Variants in MED13L observed in about 807,000 individuals in gnomAD.
MED13L encodes mediator complex subunit 13L.
In MED13L, 7 loss-of-function variants were observed where a neutral mutation model predicts 220.9. The ratio of observed to expected loss-of-function variants is 0.03; its 90% confidence interval spans 0.02 to 0.06. The LOEUF (loss-of-function observed/expected upper bound fraction) is 0.06, where lower values mean the gene tolerates loss of function less well. MED13L is among the 10% of genes least tolerant of loss of function. The probability of loss-of-function intolerance (pLI) is 1.00; values close to 1 mark genes in which losing one functional copy is unlikely to be tolerated. For missense variants in MED13L, 1,965 were observed against 2,760.5 expected (o/e 0.71, Z 6.46); for synonymous variants, 1,011 against 1,015.2 (o/e 1.00, Z 0.08).
intron 2 of MED13L, among the ~76,000 whole-genome samples, chr12:116,148,051 C>CAAAAAAAAAAAAAAAAA (rs10678970): frequency 3.3e-4 from 6 of 18,140 alleles, no homozygotes; most frequent in African/African-American, 4.7e-4. Context: ...GACCCCATCT[C>CAAAAAAAAAAAAAAAAA]AAAAAAAAAA....
At chr12:116,058,708 C>G (rs1357697826) in intron 4 of MED13L, among the ~76,000 whole-genome samples, 1 of 152,108 alleles carries the variant, frequency 6.6e-6, no homozygotes. Context: ...ATGGGGAAAG[C>G]TGAATTAAAA....
chr12:116,141,751 T>A (rs930759520), intron 2 of MED13L, among the ~76,000 whole-genome samples: 2 of 152,122 alleles, frequency 1.3e-5, no homozygotes, highest in Non-Finnish European at 2.9e-5. Flanking sequence ...CCCAACCCAG[T>A]GTCTTCTCCA....
At chr12:116,010,059 G>A (rs937184173) in intron 9 of MED13L, among the ~76,000 whole-genome samples, 3 of 152,192 alleles carry the variant, frequency 2.0e-5, no homozygotes, top group African/African-American at 7.2e-5. Flanking sequence ...GCCCTAGTGA[G>A]CAGTAAAACG....
intron 4 of MED13L, among the ~76,000 whole-genome samples, chr12:116,024,587 C>T (rs1880255954): frequency 6.6e-6 from 1 of 152,090 alleles, no homozygotes; most frequent in African/African-American, 2.4e-5. Context: ...TACCCTTTCA[C>T]TCTGTTGGTC....
At chr12:116,004,658 T>A (rs1450017314) in intron 13 of MED13L, among the ~76,000 whole-genome samples, 2 of 151,842 alleles carry the variant, frequency 1.3e-5, no homozygotes, top group Non-Finnish European at 2.9e-5. Context: ...GTTTTTGTTG[T>A]TTAATCAAGG....
At chr12:116,010,777 C>T (rs1879342803) in intron 9 of MED13L, among the ~76,000 whole-genome samples, 1 of 152,098 alleles carries the variant, frequency 6.6e-6, no homozygotes, top group Admixed American at 6.5e-5. Context: ...TGACAGATTA[C>T]ATCTAACAAG....
At chr12:116,247,823 C>T (rs1172324017) in intron 1 of MED13L, among the ~76,000 whole-genome samples, 1 of 152,072 alleles carries the variant, frequency 6.6e-6, no homozygotes, top group Admixed American at 6.6e-5. Context: ...TGGTTTATAG[C>T]GTAAGTATAA....
intron 4 of MED13L, among the ~76,000 whole-genome samples, chr12:116,095,053 T>C (rs931355292): frequency 7.9e-5 from 12 of 152,034 alleles, no homozygotes; most frequent in African/African-American, 2.2e-4. Context: ...TCCCAGCTAC[T>C]TGGGAGGCTG....
chr12:116,025,174 G>A (rs543916038), intron 4 of MED13L, among the ~76,000 whole-genome samples: 1 of 152,250 alleles, frequency 6.6e-6, no homozygotes, highest in Non-Finnish European at 1.5e-5. Flanking sequence ...CAAAATCGCA[G>A]TAAGATATCC....
intron 27 of MED13L, among the ~76,000 whole-genome samples, chr12:115,969,591 T>G (rs1395190006): frequency 6.6e-6 from 1 of 152,100 alleles, no homozygotes; most frequent in Non-Finnish European, 1.5e-5. Context: ...TTTTTTTTTT[T>G]TGAGATGGAG....
intron 1 of MED13L, 46 bp downstream of exon 1, chr12:116,277,014 C>A (rs1237234916): frequency 2.3e-5 from 32 of 1,395,644 alleles, no homozygotes; most frequent in Non-Finnish European, 2.9e-5. Context: ...TCGGGGACCC[C>A]CCCCCTTCCC....
chr12:115,996,740 G>T, intron 15 of MED13L, 59 bp from the exon 16 acceptor site: 1 of 1,425,502 alleles, frequency 7.0e-7, no homozygotes, highest in Non-Finnish European at 9.9e-7. Flanking sequence ...ACACACCACA[G>T]TGGCATAGTG....
chr12:116,113,847 A>G (rs1166218527), intron 2 of MED13L, among the ~76,000 whole-genome samples: 17 of 59,370 alleles, frequency 2.9e-4, no homozygotes, highest in Middle Eastern at 8.6e-3. Context: ...GGGGGAAGAG[A>G]GAGAGGAGAG....
chr12:116,030,971 T>C (rs1408114895), intron 4 of MED13L, among the ~76,000 whole-genome samples: 1 of 152,110 alleles, frequency 6.6e-6, no homozygotes, highest in Non-Finnish European at 1.5e-5. Context: ...CATCAGCAAA[T>C]CTATGAAACT....
At chr12:116,057,033 AT>A (rs1869033001) in intron 4 of MED13L, among the ~76,000 whole-genome samples, 1 of 152,196 alleles carries the variant, frequency 6.6e-6, no homozygotes, top group Non-Finnish European at 1.5e-5. Context: ...TGGTAAAAGA[AT>A]AAAAATGGTC....
At chr12:116,083,980 A>C (rs1333928923) in intron 4 of MED13L, among the ~76,000 whole-genome samples, 2 of 152,218 alleles carry the variant, frequency 1.3e-5, no homozygotes, top group Non-Finnish European at 2.9e-5. Context: ...GAGAGCTCTG[A>C]AACATGTAAT....
chr12:115,992,701 C>G (rs2137311810), intron 16 of MED13L, among the ~76,000 whole-genome samples: 1 of 152,244 alleles, frequency 6.6e-6, no homozygotes, highest in South Asian at 2.1e-4. Flanking sequence ...TCAGAGTTTC[C>G]AGCTTCCAGC....
At chr12:115,974,884 A>C (rs1309717003) in intron 25 of MED13L, among the ~76,000 whole-genome samples, 1 of 152,240 alleles carries the variant, frequency 6.6e-6, no homozygotes. Flanking sequence ...CCCTGATTCA[A>C]TATATAAATA....
Position 115,987,260 on chromosome 12 carries a change from C to G in MED13L, c.3963G>C (p.Gln1321His). Residue 1321 changes from glutamine (Q) to histidine (H), a missense_variant, in exon 18 of 31, where the codon CAG becomes CAC. Transcript: ENST00000281928. ...GGGACAACAGCATACGAACCACATCCTGGGAGGAGAGCATGCTGATGTCCA... is the reference window on the plus strand; with the variant it reads ...GGGACAACAGCATACGAACCACATCGTGGGAGGAGAGCATGCTGATGTCCA... ...NVLDISMLSS[Q>H]DVVRMLLSLQ... The G allele has an allele frequency of 8.7e-6, 14 of 1,613,480 alleles. No homozygotes were observed. The highest frequency in any genetic ancestry group is 1.1e-5 in the Non-Finnish European group (13 of 1,179,990).
Sources: allele counts gnomAD v4.1 joint callset (sites outside exome capture counted in the v4.1 genomes callset), GRCh38; gene constraint gnomAD v4.1.1; transcripts MANE v1.5; gene names NCBI Gene and HGNC (gene_info 2026-07-23, HGNC 2026-07-21).